SPTBN4: variants seen among roughly 807,000 people sequenced by gnomAD.
The protein encoded by SPTBN4 is spectrin beta, non-erythrocytic 4.
Under a neutral mutation model 277.8 loss-of-function variants are expected in SPTBN4, and 96 were observed. The ratio of observed to expected loss-of-function variants is 0.35; its 90% CI spans 0.29 to 0.41. SPTBN4 has a LOEUF of 0.41. SPTBN4 is among the 10% of genes least tolerant of loss of function. The pLI, the probability that SPTBN4 is intolerant of heterozygous loss-of-function variation, is 1.00. For synonymous variants in SPTBN4, 1,481 were observed against 1,580.3 expected (o/e 0.94, Z 1.49); for missense variants, 3,006 against 3,595.7 (o/e 0.84, Z 4.19).
rs1179250290 is a variant in SPTBN4 at position 40,515,935 on chromosome 19, ATATATACG to A, written c.2903+494_2903+501del. Among the ~76,000 whole-genome samples, 155 of 78,416 alleles carry A rather than the reference ATATATACG, an allele frequency of 2.0e-3. 8 individuals carry two copies. Among genetic ancestry groups the A allele is most frequent in the African/African-American group, 3.7e-3 (78 of 20,868 alleles). The allele number at this position is 78,416 out of a possible 152,430, so 51.4% of individuals were successfully genotyped here. A position where few individuals can be genotyped will look rare whatever the true frequency, so the allele number is the denominator to read the frequency against. ...TATACACACACATATATATACACAC[ATATATACG>A]TATATATACACATATATACGTATAT... On this transcript the variant is annotated intron_variant, in intron 15 of 35. Coordinates refer to ENST00000598249, the MANE Select transcript of SPTBN4 (RefSeq NM_020971.3). The surrounding 1 kb of genome is among the most constrained non-coding windows in gnomAD (Gnocchi z 4.1).
chr19:40,487,939 G>A (rs2080091407), intron 3 of SPTBN4, 91 bp downstream of exon 3: 2 of 1,405,840 alleles, frequency 1.4e-6, no homozygotes, highest in South Asian at 1.5e-5. Flanking sequence ...CTGCAAGCAG[G>A]GGCCTGGCTC....
intron 2 of SPTBN4, among the ~76,000 whole-genome samples, chr19:40,478,836 G>A (rs1599711379): frequency 1.3e-5 from 2 of 152,112 alleles, no homozygotes; most frequent in African/African-American, 2.4e-5. Flanking sequence ...CGTGAGCCAC[G>A]CCCGGCCTGT....
At chr19:40,467,628 G>A (rs556058465) in intron 1 of SPTBN4, among the ~76,000 whole-genome samples, 3 of 152,038 alleles carry the variant, frequency 2.0e-5, no homozygotes, top group East Asian at 3.9e-4. Context: ...CTTTGCGGGG[G>A]GGGGGGGGTG....
chr19:40,487,134 C>T (rs1020870970), intron 2 of SPTBN4, among the ~76,000 whole-genome samples: 2 of 151,512 alleles, frequency 1.3e-5, no homozygotes, highest in Admixed American at 6.6e-5. Context: ...CTCCCTGGTT[C>T]AAGCAATTCT....
chr19:40,547,320 G>T (rs917988126), intron 20 of SPTBN4, among the ~76,000 whole-genome samples: 3 of 151,728 alleles, frequency 2.0e-5, no homozygotes, highest in Non-Finnish European at 4.4e-5. Context: ...CAGAATGATG[G>T]TTTCCAGCTT....
intron 22 of SPTBN4, among the ~76,000 whole-genome samples, chr19:40,551,880 G>A (rs184526012): frequency 1.3e-5 from 2 of 152,040 alleles, no homozygotes; most frequent in Non-Finnish European, 2.9e-5. Context: ...TGTAATCCCA[G>A]CTACCTGGGA....
At chr19:40,507,789 C>T (rs184515310) in intron 13 of SPTBN4, among the ~76,000 whole-genome samples, 37 of 152,200 alleles carry the variant, frequency 2.4e-4, no homozygotes, top group Admixed American at 1.3e-3. Context: ...GAGCCGAGAT[C>T]GCACCACTGC....
chr19:40,506,461 C>A lies in SPTBN4; in HGVS notation c.1816+75C>A, dbSNP rs2080332115. On this transcript the variant is annotated intron_variant, in intron 13 of 35. Coordinates refer to ENST00000598249, the MANE Select transcript of SPTBN4 (RefSeq NM_020971.3). The stretch of plus-strand genomic sequence containing the variant: ...GGTGCTAATAGAGGCAAGAGTGACT[C>A]CTGAGAGAAGGAAAGAGTGAGCTCC... 2.3e-5 allele frequency: 34 copies of A among 1,510,878 alleles called. No homozygotes were observed. The South Asian group carries it at 4.1e-4, about 18-fold the overall frequency. 93.6% of individuals were successfully genotyped at this position (1,510,878 alleles called of 1,614,324 possible).
At chr19:40,487,996 C>T in intron 3 of SPTBN4, 148 bp downstream of exon 3, 8 of 946,958 alleles carry the variant, frequency 8.4e-6, no homozygotes, top group Non-Finnish European at 1.2e-5. Flanking sequence ...TAAGAGGTCC[C>T]TCTACTCGGG....
chr19:40,470,915 C>A (rs957146955), intron 1 of SPTBN4, among the ~76,000 whole-genome samples: 6 of 151,184 alleles, frequency 4.0e-5, no homozygotes, highest in African/African-American at 1.5e-4. Flanking sequence ...ACAGGCAGGA[C>A]CCACTGTGCC....
chr19:40,490,061 C>T lies in SPTBN4; in HGVS notation c.322-14C>T. 6.3e-7 allele frequency: 1 copy of T among 1,593,652 alleles called. No individual in the cohort carries two copies. The highest frequency in any genetic ancestry group is 1.1e-5 in the South Asian group (1 of 89,104). On this transcript the variant is annotated splice_polypyrimidine_tract_variant and intron_variant, in intron 3 of 35. Transcript: ENST00000598249. The surrounding 1 kb of genome is among the most constrained non-coding windows in gnomAD (Gnocchi z 4.3). ...GTCCAGACCCCCGATCGCCCACCGCCCCTGTCGCCCTAGCCCAGGCCCACG... is the reference window on the plus strand; with the variant it reads ...GTCCAGACCCCCGATCGCCCACCGCTCCTGTCGCCCTAGCCCAGGCCCACG...
intron 15 of SPTBN4, among the ~76,000 whole-genome samples, chr19:40,516,603 C>T (rs1381324246): frequency 6.6e-6 from 1 of 152,110 alleles, no homozygotes; most frequent in Non-Finnish European, 1.5e-5. Context: ...GCAGGTGGAT[C>T]ACCTGAGGTC....
chr19:40,487,267 C>T (rs1266081245), intron 2 of SPTBN4, among the ~76,000 whole-genome samples: 2 of 151,640 alleles, frequency 1.3e-5, no homozygotes, highest in Non-Finnish European at 2.9e-5. Context: ...GTCTTGAACT[C>T]CTGACTTTGT....
chr19:40,573,461 G>T (rs886441267), intron 35 of SPTBN4, among the ~76,000 whole-genome samples: 1 of 152,256 alleles, frequency 6.6e-6, no homozygotes, highest in African/African-American at 2.4e-5. Flanking sequence ...TCTCAGGACA[G>T]GATGGGCCAT....
At chr19:40,571,259 G>A (rs899011133) in intron 33 of SPTBN4, among the ~76,000 whole-genome samples, 1 of 152,156 alleles carries the variant, frequency 6.6e-6, no homozygotes, top group Admixed American at 6.5e-5. Context: ...GTTTCAAATT[G>A]GGGGAGGGTC....
At chr19:40,575,058 G>T (rs1427232513) in intron 35 of SPTBN4, among the ~76,000 whole-genome samples, 1 of 151,110 alleles carries the variant, frequency 6.6e-6, no homozygotes, top group Admixed American at 6.6e-5. Context: ...GTTACTGTGA[G>T]AATTAAATTG....
At chr19:40,510,259 G>A (rs2080376024) in intron 13 of SPTBN4, among the ~76,000 whole-genome samples, 1 of 151,966 alleles carries the variant, frequency 6.6e-6, no homozygotes, top group South Asian at 2.1e-4. Context: ...AAATGACATT[G>A]TGTCAGAGTA....
rs753871867 is a variant in SPTBN4, at chr19:40,554,431, C to G, written c.4953+6C>G. On this transcript the variant is annotated splice_donor_region_variant and intron_variant, in intron 23 of 35. Coordinates refer to ENST00000598249, the MANE Select transcript of SPTBN4 (RefSeq NM_020971.3). The surrounding 1 kb of genome is among the most constrained non-coding windows in gnomAD (Gnocchi z 5.7). The stretch of plus-strand genomic sequence containing the variant: ...TGAGTGAGGACAAGGGCAAGGTGCG[C>G]CCGAGCTGGGGGTGCGGAGGGCCTG... 1.3e-6 allele frequency: 2 copies of G among 1,549,388 alleles called. No homozygotes were observed. The highest frequency in any genetic ancestry group is 8.7e-7 in the Non-Finnish European group (1 of 1,144,790).
intron 20 of SPTBN4, among the ~76,000 whole-genome samples, chr19:40,540,409 T>A (rs1363486524): frequency 6.6e-6 from 1 of 151,996 alleles, no homozygotes; most frequent in African/African-American, 2.4e-5. Flanking sequence ...TAATTTTAAT[T>A]TATTTTTATT....
Sources: allele counts gnomAD v4.1 joint callset (sites outside exome capture counted in the v4.1 genomes callset), GRCh38; gene constraint gnomAD v4.1.1; non-coding constraint Gnocchi (gnomAD v3.1); transcripts MANE v1.5; gene names NCBI Gene and HGNC (gene_info 2026-07-23, HGNC 2026-07-21).